TLN2: variants seen among roughly 807,000 people sequenced by gnomAD.
TLN2 encodes talin 2.
Under a neutral mutation model 294.7 loss-of-function variants are expected in TLN2, and 118 were observed. The ratio of observed to expected loss-of-function variants is 0.40; its 90% CI spans 0.34 to 0.47. The LOEUF is 0.47. TLN2 is among the 20% of genes least tolerant of loss of function. The pLI, the probability that TLN2 is intolerant of heterozygous loss-of-function variation, is 0.84. For missense variants in TLN2, 3,083 were observed against 3,282.2 expected (o/e 0.94, Z 1.48); for synonymous variants, 1,431 against 1,304.5 (o/e 1.10, Z -2.09).
chr15:62,667,199 C>T (rs1432421053), intron 9 of TLN2, among the ~76,000 whole-genome samples: 2 of 152,146 alleles, frequency 1.3e-5, no homozygotes, highest in Non-Finnish European at 1.5e-5. Flanking sequence ...ATCTCCTGAC[C>T]TAGTGATCCG....
At chr15:62,832,615 G>A (rs978756981) in intron 54 of TLN2, 2 of 152,220 alleles carry the variant, frequency 1.3e-5, no homozygotes, top group African/African-American at 2.4e-5. Flanking sequence ...CCTACACAGT[G>A]GTGTCCAGTG....
chr15:62,773,636 T>G (rs557402069), intron 42 of TLN2, among the ~76,000 whole-genome samples: 1 of 152,274 alleles, frequency 6.6e-6, no homozygotes, highest in Admixed American at 6.5e-5. Context: ...GTGTTATATA[T>G]CCCTGTTTGC....
intron 43 of TLN2, among the ~76,000 whole-genome samples, chr15:62,777,874 C>A (rs948439001): frequency 6.6e-6 from 1 of 152,194 alleles, no homozygotes; most frequent in Non-Finnish European, 1.5e-5. Context: ...CCTGTTCTTT[C>A]CCCCAAAGAA....
chr15:62,795,167 C>T (rs953874044), intron 46 of TLN2, among the ~76,000 whole-genome samples: 5 of 152,120 alleles, frequency 3.3e-5, no homozygotes, highest in Non-Finnish European at 7.4e-5. Context: ...TGCTTGGTGG[C>T]TTTTCCTTCT....
rs994189514 is a variant in TLN2, at chr15:62,758,739, G to A, written c.4639-2942G>A. The A allele has an allele frequency of 7.2e-5, 11 of 152,202 alleles. 1 individual carries two copies. The highest frequency in any genetic ancestry group is 2.0e-4 in the Admixed American group (3 of 15,288). 9.4% of individuals were successfully genotyped at this position (152,202 alleles called of 1,614,324 possible). A position where few individuals can be genotyped will look rare whatever the true frequency, so the allele number is the denominator to read the frequency against. ...AGAAGGAAAAGGAAAAAGGCTGTTG[G>A]GCTTTTTACTCCTTGTTCTGTTGCC... On this transcript the variant is annotated intron_variant, in intron 37 of 58. Coordinates refer to ENST00000636159, the MANE Select transcript of TLN2 (RefSeq NM_015059.3).
chr15:62,654,027 T>G (rs1265607047), intron 7 of TLN2, among the ~76,000 whole-genome samples: 1 of 152,230 alleles, frequency 6.6e-6, no homozygotes, highest in Non-Finnish European at 1.5e-5. Flanking sequence ...TCAAGCTAAT[T>G]AACATATCCA....
At chr15:62,780,413 C>A (rs1298516486) in intron 43 of TLN2, among the ~76,000 whole-genome samples, 1 of 152,110 alleles carries the variant, frequency 6.6e-6, no homozygotes, top group Non-Finnish European at 1.5e-5. Flanking sequence ...TGGAAGTTAC[C>A]ACTGAAGGAC....
At chr15:62,568,323 C>T (rs1318122480) in intron 1 of TLN2, among the ~76,000 whole-genome samples, 1 of 152,194 alleles carries the variant, frequency 6.6e-6, no homozygotes, top group African/African-American at 2.4e-5. Flanking sequence ...CCTGGTTTCA[C>T]CACTGAGTGA....
Position 62,819,459 on chromosome 15 carries a change from T to C in TLN2, c.6772-57T>C, listed in dbSNP as rs2067379587. 6.9e-6 allele frequency: 10 copies of C among 1,439,772 alleles called. No individual in the cohort carries two copies. The South Asian group carries it at 9.2e-5, about 13-fold the overall frequency. The allele number at this position is 1,439,772 out of a possible 1,614,324, so 89.2% of individuals were successfully genotyped here. Reference sequence around the variant, plus strand: ...CATCCAGCAAGAGGAGTGTGCTTCTTTCCTGTCCCAGTGGTTACTATCCCC... The same window carrying C: ...CATCCAGCAAGAGGAGTGTGCTTCTCTCCTGTCCCAGTGGTTACTATCCCC... On this transcript the variant is annotated intron_variant, in intron 52 of 58. Transcript: ENST00000636159.
chr15:62,516,736 C>T (rs2040211565), intron 1 of TLN2, among the ~76,000 whole-genome samples: 2 of 152,236 alleles, frequency 1.3e-5, no homozygotes, highest in South Asian at 4.1e-4. Context: ...GGTGATCAAT[C>T]ATACCACGAC....
chr15:62,645,598 A>G (rs1259896095), intron 3 of TLN2, among the ~76,000 whole-genome samples: 1 of 152,166 alleles, frequency 6.6e-6, no homozygotes, highest in Non-Finnish European at 1.5e-5. Flanking sequence ...GCAATCAAGC[A>G]TGCTGAGAAG....
intron 1 of TLN2, among the ~76,000 whole-genome samples, chr15:62,465,216 T>C (rs902449636): frequency 6.6e-6 from 1 of 151,510 alleles, no homozygotes; most frequent in Non-Finnish European, 1.5e-5. Context: ...CTTTTAGCCT[T>C]GGAAGATTCC....
chr15:62,417,747 A>G (rs2034170275), intron 1 of TLN2, among the ~76,000 whole-genome samples: 1 of 152,218 alleles, frequency 6.6e-6, no homozygotes, highest in South Asian at 2.1e-4. Context: ...CAGCCACAAC[A>G]GTGCCTGTGG....
At chr15:62,727,574 AG>A (rs1365447063) in intron 28 of TLN2, among the ~76,000 whole-genome samples, 1 of 152,256 alleles carries the variant, frequency 6.6e-6, no homozygotes, top group Non-Finnish European at 1.5e-5. Context: ...GCGTGCTAAT[AG>A]GTAGAGGCGA....
intron 1 of TLN2, among the ~76,000 whole-genome samples, chr15:62,583,392 A>G (rs891088947): frequency 6.6e-5 from 10 of 152,200 alleles, no homozygotes; most frequent in African/African-American, 2.2e-4. Context: ...ATTGAAAACA[A>G]TTGGCTGTAA....
At chr15:62,814,884 T>C (rs963151622) in intron 52 of TLN2, among the ~76,000 whole-genome samples, 3 of 152,140 alleles carry the variant, frequency 2.0e-5, no homozygotes, top group African/African-American at 4.8e-5. Flanking sequence ...GAGTATTGTT[T>C]CACACTGAGA....
chr15:62,432,858 T>C (rs1409021627), intron 1 of TLN2, among the ~76,000 whole-genome samples: 3 of 152,134 alleles, frequency 2.0e-5, no homozygotes, highest in East Asian at 3.9e-4. Flanking sequence ...CTCCAGAAAA[T>C]CCCTCACATA....
intron 9 of TLN2, among the ~76,000 whole-genome samples, chr15:62,660,814 T>C (rs960908455): frequency 2.0e-5 from 3 of 152,226 alleles, no homozygotes; most frequent in Admixed American, 6.5e-5. Context: ...ACTAATTCCT[T>C]GCTGTTTTTG....
chr15:62,585,842 C>G (rs1347531722), intron 1 of TLN2, among the ~76,000 whole-genome samples: 8 of 152,062 alleles, frequency 5.3e-5, no homozygotes, highest in Non-Finnish European at 1.0e-4. Context: ...TCTCTAGGGA[C>G]CTTGTTATGA....
Sources: allele counts gnomAD v4.1 joint callset (sites outside exome capture counted in the v4.1 genomes callset), GRCh38; gene constraint gnomAD v4.1.1; transcripts MANE v1.5; gene names NCBI Gene and HGNC (gene_info 2026-07-23, HGNC 2026-07-21).